WDR64: variants seen among roughly 807,000 people sequenced by gnomAD.
WDR64 encodes the protein WD repeat domain 64.
WDR64 carries 112 observed loss-of-function variants against 139.3 expected under a neutral mutation model. That is an observed-to-expected ratio of 0.80 (90% CI 0.69 to 0.94). The LOEUF (loss-of-function observed/expected upper bound fraction) is 0.94, where lower values mean the gene tolerates loss of function less well. Ranked by LOEUF, WDR64 falls within the 40% of genes least tolerant of loss-of-function variation. The probability of loss-of-function intolerance (pLI) is 0.00; values close to 1 mark genes in which losing one functional copy is unlikely to be tolerated. For missense variants in WDR64, 1,206 were observed against 1,293.1 expected (o/e 0.93, Z 1.03); for synonymous variants, 444 against 437.7 (o/e 1.01, Z -0.18).
intron 3 of WDR64, among the ~76,000 whole-genome samples, chr1:241,673,260 A>G (rs1055667923): frequency 6.6e-6 from 1 of 152,128 alleles, no homozygotes; most frequent in Admixed American, 6.5e-5. Flanking sequence ...CAGCACACCA[A>G]CATGGCACAT....
chr1:241,692,435 G>A lies in WDR64; in HGVS notation c.974+4840G>A, dbSNP rs536180235. ...AGATAGTGCGGTATTGTAAAACAAT[G>A]GAAAAAATAGATCAACAAAGCAGAA... On this transcript the variant is annotated intron_variant, in intron 8 of 27. Transcript: ENST00000437684. Among the ~76,000 whole-genome samples, 13 of 152,230 alleles carry A rather than the reference G, an allele frequency of 8.5e-5. No homozygotes were observed. The South Asian group carries it at 2.7e-3, about 32-fold the overall frequency.
chr1:241,797,432 G>A (rs915844807), intron 27 of WDR64, among the ~76,000 whole-genome samples: 2 of 152,164 alleles, frequency 1.3e-5, no homozygotes, highest in African/African-American at 2.4e-5. Context: ...CATTTAGGAG[G>A]AAGATATAGC....
chr1:241,746,761 C>CTT (rs34375079), intron 13 of WDR64, among the ~76,000 whole-genome samples: 9,815 of 141,992 alleles, frequency 0.069, 1,144 homozygotes, highest in African/African-American at 0.24. Context: ...CATTTCAGTT[C>CTT]TTTTTTTTTT....
At chr1:241,793,860 A>G (rs1418263560) in intron 25 of WDR64, among the ~76,000 whole-genome samples, 1 of 152,178 alleles carries the variant, frequency 6.6e-6, no homozygotes, top group Non-Finnish European at 1.5e-5. Context: ...GTCTCATAAC[A>G]TGTTATATTA....
At chr1:241,757,876 AAAT>A (rs1172457692) in intron 15 of WDR64, among the ~76,000 whole-genome samples, 1 of 152,030 alleles carries the variant, frequency 6.6e-6, no homozygotes, top group Non-Finnish European at 1.5e-5. Context: ...ACTATTTCAA[AAAT>A]AATACCATTA....
At position 241,683,589 on chromosome 1, in the gene WDR64, G is replaced by A; in HGVS notation, c.727G>A (p.Asp243Asn). The change falls in exon 7 of 28, where the codon GAT becomes AAT. Residue 243 changes from aspartate to asparagine, a missense_variant. Coordinates refer to ENST00000437684, the MANE Select transcript of WDR64 (RefSeq NM_001367482.1). Reference sequence around the variant, plus strand: ...CCGAGATGACATCCTCTTGGGGGATGATGGGGGTTTTGTGAACAGATTCAC... The same window carrying A: ...CCGAGATGACATCCTCTTGGGGGATAATGGGGGTTTTGTGAACAGATTCAC... ...LCRDDILLGDDGGFVNRFTVN... is the reference protein window; with the variant it reads ...LCRDDILLGDNGGFVNRFTVN... 1.9e-6 allele frequency: 3 copies of A among 1,551,708 alleles called. No homozygotes were observed. Among genetic ancestry groups the A allele is most frequent in the Non-Finnish European group, 2.6e-6 (3 of 1,146,998 alleles).
chr1:241,777,684 C>CT (rs754687172), intron 21 of WDR64, among the ~76,000 whole-genome samples: 2 of 152,164 alleles, frequency 1.3e-5, no homozygotes, highest in Non-Finnish European at 2.9e-5. Context: ...TCCCAACATG[C>CT]TGGGATTACA....
chr1:241,708,188 C>G (rs1668026102), intron 8 of WDR64, among the ~76,000 whole-genome samples: 2 of 152,106 alleles, frequency 1.3e-5, no homozygotes, highest in Admixed American at 6.5e-5. Flanking sequence ...GTAGAAAACT[C>G]TAGAAGTTTT....
chr1:241,693,897 A>G (rs1667393510), intron 8 of WDR64, among the ~76,000 whole-genome samples: 1 of 152,184 alleles, frequency 6.6e-6, no homozygotes, highest in Non-Finnish European at 1.5e-5. Flanking sequence ...CAAAACCCTA[A>G]TAAATTTTTC....
chr1:241,765,785 T>A (rs970560489), intron 15 of WDR64, among the ~76,000 whole-genome samples: 8 of 152,310 alleles, frequency 5.3e-5, no homozygotes, highest in African/African-American at 1.9e-4. Context: ...TAACAAATAT[T>A]TGAGGCAAGA....
intron 13 of WDR64, 63 bp from the exon 14 acceptor site, chr1:241,749,483 AG>A (rs1669896837): frequency 1.3e-6 from 2 of 1,550,216 alleles, no homozygotes; most frequent in Non-Finnish European, 1.8e-6. Flanking sequence ...ATTTTCTCTG[AG>A]CGAAAAGCCA....
At chr1:241,752,201 A>G (rs1337683405) in intron 14 of WDR64, among the ~76,000 whole-genome samples, 1 of 152,176 alleles carries the variant, frequency 6.6e-6, no homozygotes, top group East Asian at 1.9e-4. Context: ...TGTTTTCCTA[A>G]TCAATTCCTA....
Position 241,801,362 on chromosome 1 carries a change from T to C in WDR64, c.*147T>C. 1.5e-6 allele frequency: 1 copy of C among 664,208 alleles called. No homozygotes were observed. The highest frequency in any genetic ancestry group is 2.5e-6 in the Non-Finnish European group (1 of 397,872). The allele number at this position is 664,208 out of a possible 1,614,324, so 41.1% of individuals were successfully genotyped here. A position where few individuals can be genotyped will look rare whatever the true frequency, so the allele number is the denominator to read the frequency against. The stretch of plus-strand genomic sequence containing the variant: ...CATCCTATTGATGGGAAAGATTGCT[T>C]AGGGAGTTCTGGTGACCTTAACTCT... On this transcript the variant is annotated 3_prime_UTR_variant, in exon 28 of 28. Coordinates refer to ENST00000437684, the MANE Select transcript of WDR64 (RefSeq NM_001367482.1).
chr1:241,768,312 C>T (rs541782171), intron 16 of WDR64, among the ~76,000 whole-genome samples: 1 of 152,162 alleles, frequency 6.6e-6, no homozygotes, highest in Non-Finnish European at 1.5e-5. Context: ...TGATTTAGCA[C>T]AGATCTGTGG....
intron 8 of WDR64, among the ~76,000 whole-genome samples, chr1:241,711,548 C>A (rs1430123146): frequency 6.6e-6 from 1 of 152,178 alleles, no homozygotes; most frequent in Non-Finnish European, 1.5e-5. Flanking sequence ...AGCAAAACCA[C>A]AAACCCAGCA....
chr1:241,695,779 A>G (rs960046098), intron 8 of WDR64, among the ~76,000 whole-genome samples: 10 of 152,122 alleles, frequency 6.6e-5, no homozygotes, highest in African/African-American at 2.2e-4. Flanking sequence ...GGTGCATTTA[A>G]TTGCCTATTG....
rs538747242 is a variant in WDR64, at chr1:241,674,017, G to A, written c.380-627G>A. Among the ~76,000 whole-genome samples, 8 of 152,118 alleles carry A rather than the reference G, an allele frequency of 5.3e-5. No individual in the cohort carries two copies. The South Asian group carries it at 1.5e-3, about 28-fold the overall frequency. ...TGACTCCAAACGATGTTTAGAAAAC[G>A]TGTTCTCTGTGAAATATGCACATGC... On this transcript the variant is annotated intron_variant, in intron 3 of 27. Coordinates refer to ENST00000437684, the MANE Select transcript of WDR64 (RefSeq NM_001367482.1).
intron 1 of WDR64, among the ~76,000 whole-genome samples, chr1:241,658,499 T>A (rs1170897037): frequency 6.6e-5 from 10 of 151,384 alleles, no homozygotes; most frequent in Non-Finnish European, 1.2e-4. Context: ...ATTAGGTGGG[T>A]GTGGTGGTGG....
At chr1:241,728,403 A>ATAATTAT (rs1668936582) in intron 10 of WDR64, among the ~76,000 whole-genome samples, 1 of 148,968 alleles carries the variant, frequency 6.7e-6, no homozygotes, top group Non-Finnish European at 1.5e-5. Flanking sequence ...TTGAAGCTAT[A>ATAATTAT]TTATTATTTA....
Sources: allele counts gnomAD v4.1 joint callset (sites outside exome capture counted in the v4.1 genomes callset), GRCh38; gene constraint gnomAD v4.1.1; transcripts MANE v1.5; gene names NCBI Gene and HGNC (gene_info 2026-07-23, HGNC 2026-07-21).